The following GRIN2A variants were observed in gnomAD, a reference collection of about 807,000 sequenced individuals.
GRIN2A encodes the protein glutamate receptor ionotropic, NMDA 2A.
A neutral mutation model predicts 113.4 loss-of-function variants in GRIN2A; 22 were observed. That is an observed-to-expected ratio of 0.19 (90% CI 0.14 to 0.28). The LOEUF (loss-of-function observed/expected upper bound fraction) is 0.28. Among genes scored for constraint, GRIN2A ranks in the 10% least tolerant of loss-of-function variants. The pLI, the probability that GRIN2A is intolerant of heterozygous loss-of-function variation, is 1.00. For missense variants in GRIN2A, 1,502 were observed against 1,887.0 expected, an observed-to-expected ratio of 0.80 and a Z score of 3.78; for synonymous variants, 827 against 738.4, an observed-to-expected ratio of 1.12 and a Z score of -1.94.
intron 2 of GRIN2A, among the ~76,000 whole-genome samples, chr16:10,107,431 C>G (rs1233095011): frequency 6.6e-6 from 1 of 152,234 alleles, no homozygotes; most frequent in African/African-American, 2.4e-5. Context: ...TTTAAATCCA[C>G]TGCAGGTAGT....
At chr16:10,115,438 CTT>C (rs556746997) in intron 2 of GRIN2A, among the ~76,000 whole-genome samples, 9 of 152,216 alleles carry the variant, frequency 5.9e-5, no homozygotes, top group Non-Finnish European at 1.2e-4. Context: ...CCACTCCTCT[CTT>C]GTCTTAGATG....
chr16:9,912,851 G>C (rs1475235228), intron 3 of GRIN2A, among the ~76,000 whole-genome samples: 1 of 152,244 alleles, frequency 6.6e-6, no homozygotes, highest in African/African-American at 2.4e-5. Context: ...CTAAAAGGCA[G>C]TAATAGCTGT....
At chr16:9,827,276 T>C (rs1015114748) in intron 9 of GRIN2A, among the ~76,000 whole-genome samples, 1 of 152,170 alleles carries the variant, frequency 6.6e-6, no homozygotes, top group African/African-American at 2.4e-5. Context: ...CTAAACACAG[T>C]GTGTTATCTG....
intron 2 of GRIN2A, among the ~76,000 whole-genome samples, chr16:10,108,606 C>T (rs995105394): frequency 2.6e-5 from 4 of 152,194 alleles, no homozygotes; most frequent in African/African-American, 4.8e-5. Context: ...CACGGTTACA[C>T]GTGTTCAGGG....
chr16:9,805,548 T>G (rs1379222682), intron 10 of GRIN2A: 1 of 152,220 alleles, frequency 6.6e-6, no homozygotes, highest in African/African-American at 2.4e-5. Flanking sequence ...TTTGGGCAAC[T>G]GTGGAACAGG....
intron 2 of GRIN2A, among the ~76,000 whole-genome samples, chr16:10,131,540 G>A (rs552654273): frequency 3.0e-4 from 46 of 151,940 alleles, no homozygotes; most frequent in African/African-American, 1.0e-3. Flanking sequence ...CTCTGCTCTC[G>A]GAGTTTCCAG....
chr16:9,825,505 C>T (rs1168404439), intron 9 of GRIN2A, among the ~76,000 whole-genome samples: 1 of 152,146 alleles, frequency 6.6e-6, no homozygotes, highest in African/African-American at 2.4e-5. Context: ...GGTAGAGATG[C>T]AACACTTGGA....
intron 3 of GRIN2A, among the ~76,000 whole-genome samples, chr16:9,899,956 A>G (rs1160619443): frequency 6.6e-6 from 1 of 152,154 alleles, no homozygotes; most frequent in Non-Finnish European, 1.5e-5. Flanking sequence ...CAGTTCTCAG[A>G]GTATTTGTTT....
chr16:10,179,893 C>CCCCAAACAAAAAAAAACAA, intron 2 of GRIN2A, 105 bp downstream of exon 2: 1 of 719,818 alleles, frequency 1.4e-6, no homozygotes, highest in African/African-American at 1.8e-5. Context: ...CCCCCACCCC[C>CCCCAAACAAAAAAAAACAA]ACTTCACATC....
intron 2 of GRIN2A, among the ~76,000 whole-genome samples, chr16:10,166,032 C>T (rs1326095987): frequency 1.3e-5 from 2 of 152,164 alleles, no homozygotes; most frequent in African/African-American, 4.8e-5. Context: ...TTCTTCACAT[C>T]GTTCTGAGTC....
At position 9,768,959 on chromosome 16, in the gene GRIN2A, G is replaced by T. The variant is rs772231545; in HGVS notation, c.2487C>A (p.Ala829=). ...CCCAGATGAAGGTGATGAGGCTAAGGGCCATGGCGGCAGCCAGCATGTAGA... is the reference window on the plus strand; with the variant it reads ...CCCAGATGAAGGTGATGAGGCTAAGTGCCATGGCGGCAGCCAGCATGTAGA... ...GVFYMLAAAM[A]LSLITFIWEH... is the part of the protein sequence containing the mutation. Residue 829 remains alanine (A), a synonymous_variant, in exon 12 of 13, where the codon GCC becomes GCA. Transcript: ENST00000330684. 1 of 1,614,128 alleles carries T rather than the reference G, an allele frequency of 6.2e-7. No homozygotes were observed. The highest frequency in any genetic ancestry group is 8.5e-7 in the Non-Finnish European group (1 of 1,179,958).
chr16:9,812,838 G>A lies in GRIN2A; in HGVS notation c.2168+9426C>T, dbSNP rs528372173. On this transcript the variant is annotated intron_variant, in intron 10 of 12. Coordinates refer to ENST00000330684, the MANE Select transcript of GRIN2A (RefSeq NM_001134407.3). ...AAGTGAATTCAGAAGTGGAATAGTA[G>A]CTCAGTCTTAGGGAAAGTCAGTAAA... Among the ~76,000 whole-genome samples the A allele has an allele frequency of 1.8e-4, 27 of 152,292 alleles. 1 individual carries two copies. In the East Asian group the frequency reaches 5.0e-3, roughly 28 times the overall value.
chr16:10,172,628 G>A (rs2050065736), intron 2 of GRIN2A, among the ~76,000 whole-genome samples: 1 of 152,246 alleles, frequency 6.6e-6, no homozygotes, highest in Non-Finnish European at 1.5e-5. Context: ...GGTGGGGTTG[G>A]GGGATGAGAT....
intron 2 of GRIN2A, chr16:10,179,666 C>T (rs1421881275): frequency 9.3e-6 from 4 of 430,666 alleles, no homozygotes; most frequent in African/African-American, 2.0e-5. Context: ...CACCTCTGTG[C>T]CCCATGGTAC....
chr16:9,899,253 A>G (rs2043867915), intron 3 of GRIN2A, among the ~76,000 whole-genome samples: 1 of 152,044 alleles, frequency 6.6e-6, no homozygotes, highest in African/African-American at 2.4e-5. Flanking sequence ...AGCCTGGCCA[A>G]CATGGTGAAA....
intron 12 of GRIN2A, among the ~76,000 whole-genome samples, chr16:9,767,418 T>C (rs1900984980): frequency 6.6e-6 from 1 of 152,002 alleles, no homozygotes; most frequent in Non-Finnish European, 1.5e-5. Flanking sequence ...ATTTTTATTA[T>C]TATACTTTAA....
At chr16:9,952,725 C>T (rs544702196) in intron 2 of GRIN2A, among the ~76,000 whole-genome samples, 1 of 152,202 alleles carries the variant, frequency 6.6e-6, no homozygotes, top group South Asian at 2.1e-4. Context: ...ATCCCAAGTA[C>T]ACGTGACAGA....
intron 9 of GRIN2A, among the ~76,000 whole-genome samples, chr16:9,826,596 AT>A (rs956320635): frequency 7.9e-5 from 12 of 151,556 alleles, no homozygotes; most frequent in East Asian, 3.9e-4. Flanking sequence ...TTCAATATTG[AT>A]TTTTTTTTGC....
chr16:9,907,747 G>C (rs915985022), intron 3 of GRIN2A, among the ~76,000 whole-genome samples: 2 of 152,160 alleles, frequency 1.3e-5, no homozygotes, highest in African/African-American at 4.8e-5. Context: ...TGAGCAGAGA[G>C]TCCACCTTTT....
Sources: gnomAD v4.1 joint callset for allele counts (sites outside exome capture counted in the v4.1 genomes callset) on GRCh38, gnomAD v4.1.1 for gene constraint, MANE v1.5 for transcripts, NCBI Gene and HGNC (gene_info 2026-07-23, HGNC 2026-07-21) for gene names.